DHH: variants seen among roughly 807,000 people sequenced by gnomAD.
DHH encodes desert hedgehog signaling molecule.
In DHH, 16 loss-of-function variants were observed where a neutral mutation model predicts 27.6. That is an observed-to-expected ratio of 0.58 (90% CI 0.39 to 0.88). The LOEUF (loss-of-function observed/expected upper bound fraction) is 0.88. Among genes scored for constraint, DHH ranks in the 40% least tolerant of loss-of-function variants. DHH has a pLI of 0.00. For missense variants in DHH, 436 were observed against 563.1 expected (o/e 0.77, Z 2.28); for synonymous variants, 289 against 263.4 (o/e 1.10, Z -0.94).
At position 49,090,567 on chromosome 12, in the gene DHH, T is replaced by G. The variant is rs1592185454; in HGVS notation, c.566-83A>C. Reference sequence around the variant, plus strand: ...TCAAGGCCAGCGCAGATATCGCCAGTCATGGACAACACAATTTTCCGTTAA... The same window carrying G: ...TCAAGGCCAGCGCAGATATCGCCAGGCATGGACAACACAATTTTCCGTTAA... On this transcript the variant is annotated intron_variant, in intron 2 of 2. Coordinates refer to ENST00000649637, the MANE Select transcript of DHH (RefSeq NM_021044.4). This position sits in a 1 kb window ranked among gnomAD's most constrained non-coding sequence, Gnocchi z 5.2. The G allele has an allele frequency of 6.5e-7, 1 of 1,547,108 alleles. No individual in the cohort carries two copies. The highest frequency in any genetic ancestry group is 8.7e-7 in the Non-Finnish European group (1 of 1,149,810).
Sources: allele counts gnomAD v4.1 joint callset, GRCh38; gene constraint gnomAD v4.1.1; non-coding constraint Gnocchi (gnomAD v3.1); transcripts MANE v1.5; gene names NCBI Gene and HGNC (gene_info 2026-07-23, HGNC 2026-07-21).